The following TAFA2 variants were observed in gnomAD, a reference collection of about 807,000 sequenced individuals.
TAFA2 encodes the protein TAFA chemokine like family member 2.
Under a neutral mutation model 18.8 loss-of-function variants are expected in TAFA2, and 7 were observed. The observed-to-expected ratio is 0.37, with a 90% confidence interval of 0.21 to 0.70. TAFA2 has a LOEUF of 0.70. Ranked by LOEUF, TAFA2 falls within the 30% of genes least tolerant of loss-of-function variation. The pLI is 0.53. For missense variants in TAFA2, 122 were observed against 158.1 expected (o/e 0.77, Z 1.23); for synonymous variants, 60 against 54.2 (o/e 1.11, Z -0.47).
chr12:61,852,321 T>C (rs755203105), intron 2 of TAFA2, among the ~76,000 whole-genome samples: 4 of 152,028 alleles, frequency 2.6e-5, no homozygotes, highest in Non-Finnish European at 4.4e-5. Context: ...GATTTCACAA[T>C]TGACTGGATG....
intron 2 of TAFA2, among the ~76,000 whole-genome samples, chr12:61,828,836 T>G (rs1165352482): frequency 6.6e-6 from 1 of 151,796 alleles, no homozygotes; most frequent in Non-Finnish European, 1.5e-5. Context: ...AAATTGATTT[T>G]AATCAAATCT....
At chr12:61,919,414 AT>A (rs1330631794) in intron 1 of TAFA2, among the ~76,000 whole-genome samples, 2 of 152,184 alleles carry the variant, frequency 1.3e-5, no homozygotes, top group Admixed American at 1.3e-4. Context: ...CTTTCTGAAT[AT>A]CTGTTTCACA....
rs145968740 is a variant in TAFA2, at chr12:62,202,409, C to T, written c.-130+56354G>A. ...TGGCCCAGGCTGGAGTGCAATGATA[C>T]GATCTTGGCTCACTGCAACTTCTGC... is the stretch of plus-strand genomic sequence containing the variant. On this transcript the variant is annotated intron_variant, in intron 1 of 5. Transcript: ENST00000551619. Among the ~76,000 whole-genome samples the T allele has an allele frequency of 2.5e-3, 381 of 151,554 alleles. 1 individual carries two copies. Among genetic ancestry groups the T allele is most frequent in the African/African-American group, 8.8e-3 (362 of 41,304 alleles).
intron 2 of TAFA2, among the ~76,000 whole-genome samples, chr12:61,843,125 C>T (rs190441315): frequency 1.3e-5 from 2 of 152,054 alleles, no homozygotes; most frequent in Admixed American, 1.3e-4. Flanking sequence ...AGAATTGAGA[C>T]AAACTTTAAA....
chr12:61,764,112 A>C (rs1869681272), intron 2 of TAFA2, among the ~76,000 whole-genome samples: 1 of 152,026 alleles, frequency 6.6e-6, no homozygotes, highest in Non-Finnish European at 1.5e-5. Flanking sequence ...AACATAATCT[A>C]ACAGTCACAC....
chr12:61,969,884 T>C (rs1410677147), intron 1 of TAFA2, among the ~76,000 whole-genome samples: 4 of 151,520 alleles, frequency 2.6e-5, no homozygotes, highest in African/African-American at 9.7e-5. Context: ...AAAAAGAAAG[T>C]TGCAACATTT....
intron 1 of TAFA2, among the ~76,000 whole-genome samples, chr12:62,225,442 G>A (rs1395073506): frequency 6.6e-6 from 1 of 151,946 alleles, no homozygotes; most frequent in Non-Finnish European, 1.5e-5. Flanking sequence ...TTATAATCTT[G>A]AAATCAGAAA....
intron 1 of TAFA2, among the ~76,000 whole-genome samples, chr12:62,173,137 G>A (rs923772274): frequency 7.9e-5 from 12 of 152,202 alleles, no homozygotes; most frequent in African/African-American, 2.2e-4. Flanking sequence ...AAAAGGCTGG[G>A]TGTGGTGGCT....
At chr12:61,838,170 G>T (rs1350977146) in intron 2 of TAFA2, among the ~76,000 whole-genome samples, 1 of 151,886 alleles carries the variant, frequency 6.6e-6, no homozygotes, top group Non-Finnish European at 1.5e-5. Context: ...ATGTGAGGAA[G>T]GAAATTGCAG....
At chr12:61,790,193 C>T (rs1870914696) in intron 2 of TAFA2, among the ~76,000 whole-genome samples, 2 of 151,028 alleles carry the variant, frequency 1.3e-5, no homozygotes, top group Non-Finnish European at 3.0e-5. Flanking sequence ...AAAAAATCCC[C>T]AAAATTAGGT....
chr12:62,194,163 A>C (rs1354473007), upstream of TAFA2, among the ~76,000 whole-genome samples: 1 of 152,194 alleles, frequency 6.6e-6, no homozygotes, highest in Non-Finnish European at 1.5e-5. Flanking sequence ...GCACTGTTGC[A>C]CTGCAAATCT....
Position 62,102,005 on chromosome 12 carries a change from G to T in TAFA2, c.-2+89254C>A, listed in dbSNP as rs577492597. Among the ~76,000 whole-genome samples the T allele has an allele frequency of 2.0e-5, 3 of 152,278 alleles. No homozygotes were observed. In the East Asian group the frequency reaches 5.8e-4, roughly 29 times the overall value. On this transcript the variant is annotated intron_variant, in intron 1 of 4. Coordinates refer to ENST00000416284, the MANE Select transcript of TAFA2 (RefSeq NM_178539.5). ...GAAAGATTCATAGAAAAAAAAAAGT[G>T]ACAGTACTAATGGGTCTTGGAGGAC...
intron 1 of TAFA2, among the ~76,000 whole-genome samples, chr12:62,139,493 T>G (rs932288989): frequency 6.6e-6 from 1 of 152,234 alleles, no homozygotes; most frequent in Non-Finnish European, 1.5e-5. Context: ...CCTACCATGT[T>G]ATAGTTTATA....
At chr12:61,818,381 T>C (rs1314139590) in intron 2 of TAFA2, among the ~76,000 whole-genome samples, 2 of 151,964 alleles carry the variant, frequency 1.3e-5, no homozygotes, top group African/African-American at 4.8e-5. Context: ...AATCTTCTCA[T>C]CAGTAAAATT....
chr12:61,865,962 A>G (rs1240575462), intron 2 of TAFA2, among the ~76,000 whole-genome samples: 1 of 152,192 alleles, frequency 6.6e-6, no homozygotes, highest in Non-Finnish European at 1.5e-5. Context: ...TTAAAAGATG[A>G]GTATTTAATA....
chr12:61,845,269 A>G (rs529433424), intron 2 of TAFA2, among the ~76,000 whole-genome samples: 1 of 152,260 alleles, frequency 6.6e-6, no homozygotes, highest in East Asian at 1.9e-4. Flanking sequence ...GCCATCCAAG[A>G]AGACTATTGA....
At chr12:62,130,953 G>A (rs1870659196) in intron 1 of TAFA2, among the ~76,000 whole-genome samples, 1 of 151,958 alleles carries the variant, frequency 6.6e-6, no homozygotes, top group African/African-American at 2.4e-5. Flanking sequence ...CTTGACAAGT[G>A]ATAAGCATCA....
intron 1 of TAFA2, among the ~76,000 whole-genome samples, chr12:62,177,959 A>G (rs538256536): frequency 2.6e-5 from 4 of 152,166 alleles, no homozygotes; most frequent in African/African-American, 9.6e-5. Flanking sequence ...TCTATCCCCT[A>G]TATTCTCACC....
chr12:62,241,926 A>G (rs1207051401), intron 1 of TAFA2, among the ~76,000 whole-genome samples: 1 of 152,224 alleles, frequency 6.6e-6, no homozygotes, highest in Non-Finnish European at 1.5e-5. Flanking sequence ...TAAAAAAAGG[A>G]TATTTTTAAC....
Sources: gnomAD v4.1 joint callset for allele counts (sites outside exome capture counted in the v4.1 genomes callset) on GRCh38, gnomAD v4.1.1 for gene constraint, MANE v1.5 for transcripts, NCBI Gene and HGNC (gene_info 2026-07-23, HGNC 2026-07-21) for gene names.